The following ADARB1 variants were observed in gnomAD, a reference collection of about 807,000 sequenced individuals.
ADARB1 encodes the protein double-stranded RNA-specific editase 1.
In ADARB1, 10 loss-of-function variants were observed where a neutral mutation model predicts 52.4. The ratio of observed to expected loss-of-function variants is 0.19; its 90% CI spans 0.12 to 0.32. The LOEUF is 0.32. Ranked by LOEUF, ADARB1 falls within the 10% of genes least tolerant of loss-of-function variation. ADARB1 has a pLI of 1.00. For synonymous variants in ADARB1, 349 were observed against 371.1 expected (o/e 0.94, Z 0.68); for missense variants, 643 against 922.3 (o/e 0.70, Z 3.92).
intron 2 of ADARB1, among the ~76,000 whole-genome samples, chr21:45,171,005 G>A (rs2091458509): frequency 6.6e-6 from 1 of 152,206 alleles, no homozygotes; most frequent in African/African-American, 2.4e-5. Flanking sequence ...GCTATTCAAG[G>A]TGAGAGAGAA....
At chr21:45,126,342 T>C (rs995587015) in intron 1 of ADARB1, among the ~76,000 whole-genome samples, 5 of 152,232 alleles carry the variant, frequency 3.3e-5, no homozygotes, top group African/African-American at 1.2e-4. Flanking sequence ...TTAATTGTGT[T>C]GTGCAGATCT....
At chr21:45,088,880 A>G (rs1196013950) in intron 1 of ADARB1, among the ~76,000 whole-genome samples, 1 of 152,190 alleles carries the variant, frequency 6.6e-6, no homozygotes, top group Non-Finnish European at 1.5e-5. Context: ...CAAATGCACA[A>G]TCACAGTCTA....
At chr21:45,158,649 A>G (rs953377414) in intron 2 of ADARB1, among the ~76,000 whole-genome samples, 1 of 152,046 alleles carries the variant, frequency 6.6e-6, no homozygotes, top group African/African-American at 2.4e-5. Flanking sequence ...TTCCTCCACC[A>G]AAGCACCCTG....
intron 2 of ADARB1, among the ~76,000 whole-genome samples, chr21:45,156,045 A>C (rs1209278067): frequency 7.7e-6 from 1 of 129,168 alleles, no homozygotes; most frequent in Non-Finnish European, 1.6e-5. Flanking sequence ...CCACCCACCC[A>C]ACCACCCACC....
At chr21:45,195,945 C>T (rs1250497514) in intron 8 of ADARB1, among the ~76,000 whole-genome samples, 1 of 152,166 alleles carries the variant, frequency 6.6e-6, no homozygotes, top group Non-Finnish European at 1.5e-5. Context: ...TACAAAATAA[C>T]TTGTTGAAAT....
rs2093007950 is a variant in ADARB1, at chr21:45,223,798, G to A, written c.*1601G>A. 3.0e-6 allele frequency: 3 copies of A among 985,398 alleles called. No individual in the cohort carries two copies. The highest frequency in any genetic ancestry group is 3.6e-6 in the Non-Finnish European group (3 of 829,948). 61.0% of individuals were successfully genotyped at this position (985,398 alleles called of 1,614,324 possible). On this transcript the variant is annotated 3_prime_UTR_variant, in exon 11 of 11. Transcript: ENST00000348831. ...GCGGGGGGTGTGCCTCCTGATGTCA[G>A]GAGCCCCATCCACGTGTGTCCACAC...
intron 2 of ADARB1, chr21:45,152,463 G>C (rs879541645): frequency 8.6e-6 from 2 of 231,454 alleles, no homozygotes; most frequent in African/African-American, 2.3e-5. Context: ...GAATGGGCCC[G>C]AGGCAGAGGA....
At chr21:45,131,525 C>A (rs1601493398) in intron 2 of ADARB1, among the ~76,000 whole-genome samples, 1 of 152,222 alleles carries the variant, frequency 6.6e-6, no homozygotes, top group African/African-American at 2.4e-5. Flanking sequence ...CGGGGTGGCC[C>A]TGCTCCCTCC....
At position 45,200,376 on chromosome 21, in the gene ADARB1, T is replaced by C. The variant is rs2146321736; in HGVS notation, c.1566-4179T>C. On this transcript the variant is annotated intron_variant, in intron 8 of 10. Transcript: ENST00000348831. This position sits in a 1 kb window ranked among gnomAD's most constrained non-coding sequence, Gnocchi z 5.0. ...GGGGTTGGCCACCCCACGGTGATTA[T>C]GTTGGCGCGGGAGCCGTGGGAAGGA... is the stretch of plus-strand genomic sequence containing the variant. 1.3e-5 allele frequency among the ~76,000 whole-genome samples: 2 copies of C among 152,190 alleles called. No homozygotes were observed. Among genetic ancestry groups the C allele is most frequent in the East Asian group, 3.9e-4 (2 of 5,166 alleles).
intron 2 of ADARB1, among the ~76,000 whole-genome samples, chr21:45,147,039 G>A (rs1469114576): frequency 6.6e-6 from 1 of 152,154 alleles, no homozygotes; most frequent in Non-Finnish European, 1.5e-5. Context: ...CCTCCTCAGG[G>A]GTCACGGCAC....
At chr21:45,148,117 C>G (rs1379783081) in intron 2 of ADARB1, among the ~76,000 whole-genome samples, 1 of 152,212 alleles carries the variant, frequency 6.6e-6, no homozygotes, top group Non-Finnish European at 1.5e-5. Context: ...CTCTGCTTCC[C>G]CGAGGATCCT....
intron 2 of ADARB1, among the ~76,000 whole-genome samples, chr21:45,161,395 A>G (rs1057287044): frequency 6.6e-6 from 1 of 152,188 alleles, no homozygotes; most frequent in Non-Finnish European, 1.5e-5. Flanking sequence ...CACTCCCAGC[A>G]CCTGCTCCAG....
chr21:45,201,796 C>T (rs531357268), intron 8 of ADARB1, among the ~76,000 whole-genome samples: 221 of 151,354 alleles, frequency 1.5e-3, no homozygotes, highest in African/African-American at 5.0e-3. Flanking sequence ...AGGGCTTGGG[C>T]GGCAGGGAAG....
chr21:45,109,581 G>A (rs1395495481), intron 1 of ADARB1, among the ~76,000 whole-genome samples: 2 of 152,222 alleles, frequency 1.3e-5, no homozygotes, highest in East Asian at 1.9e-4. Context: ...GCCCCCCCAG[G>A]ACTGGAGGCT....
intron 8 of ADARB1, among the ~76,000 whole-genome samples, chr21:45,199,034 A>C (rs1371828036): frequency 3.3e-5 from 5 of 152,206 alleles, no homozygotes; most frequent in African/African-American, 1.2e-4. Flanking sequence ...CACAACATAC[A>C]ATCTGAAAAG....
At chr21:45,174,474 A>G (rs550494814) in intron 3 of ADARB1, among the ~76,000 whole-genome samples, 4 of 152,284 alleles carry the variant, frequency 2.6e-5, no homozygotes, top group African/African-American at 7.2e-5. Flanking sequence ...AGGCCAAGGC[A>G]GGCGGATCAC....
At chr21:45,147,035 CA>C (rs2090044906) in intron 2 of ADARB1, among the ~76,000 whole-genome samples, 1 of 152,234 alleles carries the variant, frequency 6.6e-6, no homozygotes, top group Non-Finnish European at 1.5e-5. Context: ...AGCCCCTCCT[CA>C]GGGGTCACGG....
At chr21:45,146,016 G>A (rs1426704142) in intron 2 of ADARB1, 2 of 152,040 alleles carry the variant, frequency 1.3e-5, no homozygotes, top group Non-Finnish European at 1.5e-5. Flanking sequence ...GATGGCTGTT[G>A]TCACTGCCTG....
At position 45,193,209 on chromosome 21, in the gene ADARB1, A is replaced by G. The variant is rs1194570945; in HGVS notation, c.1565+8118A>G. On this transcript the variant is annotated intron_variant, in intron 8 of 10. Coordinates refer to ENST00000348831, the MANE Select transcript of ADARB1 (RefSeq NM_001112.4). ...TTCTAGCAAAACTTTAGCAAACCAAATACAGCATCATGACCAAGTAGGGGC... is the reference window on the plus strand; with the variant it reads ...TTCTAGCAAAACTTTAGCAAACCAAGTACAGCATCATGACCAAGTAGGGGC... Among the ~76,000 whole-genome samples the G allele has an allele frequency of 1.3e-5, 2 of 152,320 alleles. 1 individual carries two copies. The highest frequency in any genetic ancestry group is 3.9e-4 in the East Asian group (2 of 5,192).
Sources: allele counts gnomAD v4.1 joint callset (sites outside exome capture counted in the v4.1 genomes callset), GRCh38; gene constraint gnomAD v4.1.1; non-coding constraint Gnocchi (gnomAD v3.1); transcripts MANE v1.5; gene names NCBI Gene and HGNC (gene_info 2026-07-23, HGNC 2026-07-21).